Variants in PCDH15 observed in about 807,000 individuals in gnomAD.
PCDH15 encodes protocadherin related 15, also known as protocadherin-15.
PCDH15 carries 129 observed loss-of-function variants against 178.5 expected under a neutral mutation model. The ratio of observed to expected loss-of-function variants is 0.72; its 90% CI spans 0.63 to 0.84. The LOEUF (loss-of-function observed/expected upper bound fraction) is 0.84. PCDH15 is among the 40% of genes least tolerant of loss of function. PCDH15 has a pLI of 0.00. For missense variants in PCDH15, 2,230 were observed against 2,099.9 expected, an observed-to-expected ratio of 1.06 and a Z score of -1.21; for synonymous variants, 800 against 732.0, an observed-to-expected ratio of 1.09 and a Z score of -1.50.
chr10:54,128,740 A>G lies in PCDH15; in HGVS notation c.1917+4135T>C, dbSNP rs79953795. On this transcript the variant is annotated intron_variant, in intron 15 of 37. Transcript: ENST00000644397. The stretch of plus-strand genomic sequence containing the variant: ...TCTGAGAAATGAATAACTTTTGCTC[A>G]ATTGTGCTTTATTCAGGTTCTTATC... Among the ~76,000 whole-genome samples the G allele has an allele frequency of 5.7e-4, 87 of 152,268 alleles. 5 individuals carry two copies. In the East Asian group the frequency reaches 0.017, roughly 29 times the overall value.
rs1564776187 is a variant in PCDH15, at chr10:55,076,645, G to C, written c.-80+89931C>G. On this transcript the variant is annotated intron_variant, in intron 2 of 5. Transcript: ENST00000458638. Reference sequence around the variant, plus strand: ...TTATTATTTTTGGTCTTTTAGTAGAGATGGGGTTTCACCATGTTGCCTAGG... The same window carrying C: ...TTATTATTTTTGGTCTTTTAGTAGACATGGGGTTTCACCATGTTGCCTAGG... Among the ~76,000 whole-genome samples, 4 of 151,106 alleles carry C rather than the reference G, an allele frequency of 2.6e-5. No homozygotes were observed. In the South Asian group the frequency reaches 8.4e-4, roughly 32 times the overall value.
intron 3 of PCDH15, among the ~76,000 whole-genome samples, chr10:54,517,670 A>G (rs2082373725): frequency 6.6e-6 from 1 of 152,196 alleles, no homozygotes; most frequent in Non-Finnish European, 1.5e-5. Context: ...AAAGTTAACA[A>G]GGATACCCAG....
At chr10:55,055,445 C>T (rs576462640) in intron 2 of PCDH15, among the ~76,000 whole-genome samples, 5 of 152,192 alleles carry the variant, frequency 3.3e-5, no homozygotes, top group South Asian at 4.1e-4. Flanking sequence ...CACTAGCCTT[C>T]GTATATATCC....
At chr10:54,961,189 T>C (rs1024890130) in intron 2 of PCDH15, among the ~76,000 whole-genome samples, 8 of 152,152 alleles carry the variant, frequency 5.3e-5, no homozygotes, top group Non-Finnish European at 7.3e-5. Context: ...TGGAGCAAAT[T>C]TGTGGCTGAG....
intron 1 of PCDH15, among the ~76,000 whole-genome samples, chr10:55,271,641 T>A (rs905300947): frequency 2.0e-5 from 3 of 152,052 alleles, no homozygotes; most frequent in African/African-American, 7.3e-5. Flanking sequence ...AGTGTCAGGA[T>A]CAGACAGATT....
chr10:53,958,277 T>C lies in PCDH15; in HGVS notation c.3122+1455A>G, dbSNP rs572815721. Among the ~76,000 whole-genome samples the C allele has an allele frequency of 2.6e-5, 4 of 152,314 alleles. No homozygotes were observed. In the South Asian group the frequency reaches 8.3e-4, roughly 32 times the overall value. On this transcript the variant is annotated intron_variant, in intron 23 of 37. Transcript: ENST00000644397. ...TGGATAGACTAAACTACTAAAATAT[T>C]CTGGAATTTAATGTAGACTCCCACA...
At chr10:54,170,796 T>C (rs192299912) in intron 13 of PCDH15, among the ~76,000 whole-genome samples, 96 of 152,134 alleles carry the variant, frequency 6.3e-4, no homozygotes, top group African/African-American at 2.3e-3. Flanking sequence ...GGTTATGCTA[T>C]AGTACAAGCC....
At chr10:55,148,956 T>G (rs758036489) in intron 2 of PCDH15, among the ~76,000 whole-genome samples, 7 of 151,006 alleles carry the variant, frequency 4.6e-5, no homozygotes, top group Non-Finnish European at 1.0e-4. Flanking sequence ...TCTTAGACAC[T>G]AAAGAGGAAT....
At chr10:54,964,696 C>A (rs751814323) in intron 2 of PCDH15, among the ~76,000 whole-genome samples, 8 of 152,106 alleles carry the variant, frequency 5.3e-5, no homozygotes, top group Non-Finnish European at 1.2e-4. Context: ...TCACTGATAG[C>A]GTTTGCAAGG....
intron 8 of PCDH15, among the ~76,000 whole-genome samples, chr10:54,300,524 G>A (rs1275192558): frequency 2.0e-5 from 3 of 152,158 alleles, no homozygotes; most frequent in African/African-American, 4.8e-5. Context: ...TACAGCTGCA[G>A]GGCCCCTTCT....
rs1195032691 is a variant in PCDH15 at position 54,830,648 on chromosome 10, T to C, written c.-29+66802A>G. Among the ~76,000 whole-genome samples the C allele has an allele frequency of 3.3e-5, 5 of 151,812 alleles. No homozygotes were observed. In the East Asian group the frequency reaches 9.7e-4, roughly 30 times the overall value. On this transcript the variant is annotated intron_variant, in intron 3 of 5. Transcript: ENST00000458638. The stretch of plus-strand genomic sequence containing the variant: ...TACCTAATGCTAAATGACGAGTTAA[T>C]GGGTGCAGCACAACAACATGGCACA...
chr10:55,230,984 A>AC (rs1211374250), intron 1 of PCDH15, among the ~76,000 whole-genome samples: 1 of 151,938 alleles, frequency 6.6e-6, no homozygotes, highest in African/African-American at 2.4e-5. Flanking sequence ...GGCTTACAAG[A>AC]CCCCCAAAAG....
intron 9 of PCDH15, among the ~76,000 whole-genome samples, chr10:54,229,100 C>T (rs981241035): frequency 3.9e-5 from 6 of 152,152 alleles, no homozygotes; most frequent in African/African-American, 7.2e-5. Context: ...AAAGGTAACA[C>T]TAATGATATG....
intron 2 of PCDH15, among the ~76,000 whole-genome samples, chr10:55,066,066 G>A (rs1303202250): frequency 6.6e-6 from 1 of 151,562 alleles, no homozygotes; most frequent in Non-Finnish European, 1.5e-5. Flanking sequence ...CATATGTCAG[G>A]AATTTTTTTT....
chr10:54,163,731 A>C (rs991885888), intron 13 of PCDH15, among the ~76,000 whole-genome samples: 1 of 152,168 alleles, frequency 6.6e-6, no homozygotes, highest in African/African-American at 2.4e-5. Flanking sequence ...ATTAACCTAA[A>C]TAAGCAGAGT....
At chr10:53,913,578 CAAAA>C (rs55917688) in intron 25 of PCDH15, among the ~76,000 whole-genome samples, 153 of 142,508 alleles carry the variant, frequency 1.1e-3, no homozygotes, top group Admixed American at 1.7e-3. Context: ...CTAAAAGATA[CAAAA>C]AAAAAAAAAA....
intron 2 of PCDH15, among the ~76,000 whole-genome samples, chr10:55,535,941 G>T (rs553411473): frequency 5.7e-4 from 86 of 152,036 alleles, no homozygotes; most frequent in Admixed American, 9.2e-4. Context: ...AAAATACAAT[G>T]CAGTCAAACG....
At chr10:54,845,069 A>T (rs941494462) in intron 3 of PCDH15, among the ~76,000 whole-genome samples, 1 of 151,916 alleles carries the variant, frequency 6.6e-6, no homozygotes, top group African/African-American at 2.4e-5. Context: ...TTAATAAGGG[A>T]TTTTAAAATA....
intron 2 of PCDH15, among the ~76,000 whole-genome samples, chr10:55,394,146 A>G (rs567406660): frequency 4.5e-4 from 69 of 152,092 alleles, no homozygotes; most frequent in African/African-American, 1.4e-3. Context: ...ATCACCAACA[A>G]AGCCCTCTTT....
Sources: allele counts gnomAD v4.1 joint callset (sites outside exome capture counted in the v4.1 genomes callset), GRCh38; gene constraint gnomAD v4.1.1; transcripts MANE v1.5; gene names NCBI Gene and HGNC (gene_info 2026-07-23, HGNC 2026-07-21).